Variants in STK39 observed in about 807,000 individuals in gnomAD.
STK39 encodes the protein serine/threonine kinase 39.
STK39 carries 20 observed loss-of-function variants against 77.8 expected under a neutral mutation model. The ratio of observed to expected loss-of-function variants is 0.26; its 90% CI spans 0.18 to 0.37. The LOEUF (loss-of-function observed/expected upper bound fraction) is 0.37, where lower values mean the gene tolerates loss of function less well. STK39 is among the 10% of genes least tolerant of loss of function. The pLI, the probability that STK39 is intolerant of heterozygous loss-of-function variation, is 1.00. For synonymous variants in STK39, 246 were observed against 234.1 expected (o/e 1.05, Z -0.47); for missense variants, 479 against 656.5 (o/e 0.73, Z 2.95).
chr2:168,178,595 T>C (rs1689009142), intron 2 of STK39, among the ~76,000 whole-genome samples: 1 of 152,194 alleles, frequency 6.6e-6, no homozygotes, highest in South Asian at 2.1e-4. Flanking sequence ...AATAAATGCC[T>C]ATTTGATCTG....
intron 14 of STK39, among the ~76,000 whole-genome samples, chr2:168,047,984 A>G (rs1038372644): frequency 3.3e-5 from 5 of 152,238 alleles, no homozygotes; most frequent in Admixed American, 6.5e-5. Context: ...CACTGAGCTA[A>G]GCAGATTACC....
chr2:168,099,798 T>C (rs569495203), intron 10 of STK39, among the ~76,000 whole-genome samples: 1 of 151,146 alleles, frequency 6.6e-6, no homozygotes, highest in Admixed American at 6.6e-5. Flanking sequence ...AGCATGTTTT[T>C]AGCAGCATAA....
chr2:168,130,336 T>C (rs1687647991), intron 8 of STK39, among the ~76,000 whole-genome samples: 2 of 152,254 alleles, frequency 1.3e-5, no homozygotes, highest in Admixed American at 1.3e-4. Context: ...GGTGTGATTA[T>C]TTCCTCATGG....
intron 10 of STK39, among the ~76,000 whole-genome samples, chr2:168,077,609 T>C (rs952742614): frequency 1.3e-5 from 2 of 152,186 alleles, no homozygotes; most frequent in African/African-American, 2.4e-5. Flanking sequence ...GGGAATAGTA[T>C]TGGTAAAATT....
chr2:168,196,870 G>C (rs546168297), intron 1 of STK39, among the ~76,000 whole-genome samples: 1 of 152,258 alleles, frequency 6.6e-6, no homozygotes, highest in South Asian at 2.1e-4. Flanking sequence ...AGAGCTCAAG[G>C]GACAAAGACA....
intron 1 of STK39, among the ~76,000 whole-genome samples, chr2:168,200,627 A>C (rs1027971929): frequency 6.6e-6 from 1 of 152,196 alleles, no homozygotes. Flanking sequence ...CAGTGAGCCA[A>C]GATCATACCA....
intron 8 of STK39, among the ~76,000 whole-genome samples, chr2:168,135,346 C>T (rs1687804183): frequency 6.6e-6 from 1 of 152,136 alleles, no homozygotes; most frequent in African/African-American, 2.4e-5. Flanking sequence ...GAAGTGCCCA[C>T]AGCACATTCT....
chr2:168,078,466 T>C (rs907135828), intron 10 of STK39, among the ~76,000 whole-genome samples: 1 of 152,124 alleles, frequency 6.6e-6, no homozygotes, highest in African/African-American at 2.4e-5. Context: ...GTCACTCCAG[T>C]GCTGCATCTC....
intron 17 of STK39, among the ~76,000 whole-genome samples, chr2:167,961,665 A>G (rs1251737353): frequency 2.0e-5 from 3 of 152,192 alleles, no homozygotes; most frequent in Non-Finnish European, 2.9e-5. Context: ...TTAAAAGTGA[A>G]GAGAAGAATC....
chr2:168,069,557 T>C (rs1371925765), intron 12 of STK39, among the ~76,000 whole-genome samples: 1 of 152,150 alleles, frequency 6.6e-6, no homozygotes, highest in Non-Finnish European at 1.5e-5. Flanking sequence ...ATTTTCTTTT[T>C]CCTTATTTTT....
intron 14 of STK39, among the ~76,000 whole-genome samples, chr2:168,045,965 A>T (rs973716718): frequency 6.6e-6 from 1 of 152,178 alleles, no homozygotes; most frequent in Non-Finnish European, 1.5e-5. Context: ...CACAGGTCAA[A>T]GGAGTGGGCA....
intron 1 of STK39, among the ~76,000 whole-genome samples, chr2:168,233,631 G>A (rs913724403): frequency 4.6e-5 from 6 of 129,514 alleles, no homozygotes; most frequent in African/African-American, 1.6e-4. Context: ...TAACTCAAAG[G>A]AAAAGAGGGA....
chr2:168,101,737 C>CA (rs943900403), intron 10 of STK39, among the ~76,000 whole-genome samples: 13 of 150,652 alleles, frequency 8.6e-5, no homozygotes, highest in South Asian at 8.4e-4. Flanking sequence ...GACTCTGTCT[C>CA]AAAAAAAATA....
intron 7 of STK39, among the ~76,000 whole-genome samples, chr2:168,139,124 G>A (rs1337107670): frequency 6.6e-6 from 1 of 152,130 alleles, no homozygotes; most frequent in Non-Finnish European, 1.5e-5. Flanking sequence ...GGAGAAAGCG[G>A]GAGACTGGGA....
intron 10 of STK39, among the ~76,000 whole-genome samples, chr2:168,129,206 C>A (rs1311811758): frequency 6.6e-6 from 1 of 152,178 alleles, no homozygotes; most frequent in Non-Finnish European, 1.5e-5. Flanking sequence ...AGTGAGCATG[C>A]CTCTTCTGTA....
At position 168,074,975 on chromosome 2, in the gene STK39, A is replaced by G; in HGVS notation, c.1242+7T>C. ...GGCAAAATAATAAATAAATAGCCAC[A>G]GCTCACCTCTGGATTTTCTTCTTTT... On this transcript the variant is annotated splice_region_variant and intron_variant, in intron 12 of 17. Coordinates refer to ENST00000355999, the MANE Select transcript of STK39 (RefSeq NM_013233.3). 1 of 1,613,224 alleles carries G rather than the reference A, an allele frequency of 6.2e-7. No individual in the cohort carries two copies. Among genetic ancestry groups the G allele is most frequent in the South Asian group, 1.1e-5 (1 of 91,056 alleles).
At chr2:168,032,283 G>T (rs1382249357) in intron 14 of STK39, among the ~76,000 whole-genome samples, 1 of 152,162 alleles carries the variant, frequency 6.6e-6, no homozygotes, top group Non-Finnish European at 1.5e-5. Context: ...TGATTTTTGT[G>T]TATGAGTCAT....
At chr2:168,154,855 C>T (rs1232228023) in intron 5 of STK39, among the ~76,000 whole-genome samples, 1 of 152,162 alleles carries the variant, frequency 6.6e-6, no homozygotes, top group Non-Finnish European at 1.5e-5. Flanking sequence ...TTTACCTTTT[C>T]TCCCACAGAA....
At chr2:168,051,896 G>A (rs1275693533) in intron 14 of STK39, among the ~76,000 whole-genome samples, 5 of 152,046 alleles carry the variant, frequency 3.3e-5, no homozygotes, top group African/African-American at 9.7e-5. Context: ...GACAGCCATG[G>A]TAAGCTCCAC....
Sources: gnomAD v4.1 joint callset for allele counts (sites outside exome capture counted in the v4.1 genomes callset) on GRCh38, gnomAD v4.1.1 for gene constraint, MANE v1.5 for transcripts, NCBI Gene and HGNC (gene_info 2026-07-23, HGNC 2026-07-21) for gene names.